The following SPATA31E1 variants were observed in gnomAD, a reference collection of about 807,000 sequenced individuals.
SPATA31E1 encodes spermatogenesis-associated protein 31E1.
A neutral mutation model predicts 12.9 loss-of-function variants in SPATA31E1; 7 were observed. That is an observed-to-expected ratio of 0.54 (90% CI 0.31 to 1.02). The LOEUF (loss-of-function observed/expected upper bound fraction) is 1.02, where lower values mean the gene tolerates loss of function less well. Among genes scored for constraint, SPATA31E1 ranks in the 50% least tolerant of loss-of-function variants. The pLI is 0.05. For missense variants in SPATA31E1, 1,961 were observed against 1,799.8 expected, an observed-to-expected ratio of 1.09 and a Z score of -1.62; for synonymous variants, 771 against 719.0, an observed-to-expected ratio of 1.07 and a Z score of -1.16.
chr9:87,884,821 G>A lies in SPATA31E1; in HGVS notation c.426-92G>A, dbSNP rs1157420123. On this transcript the variant is annotated intron_variant, in intron 3 of 3. Transcript: ENST00000325643. ...CTTTATGAAGTCAGCAGTTGGGGAG[G>A]TGGAGGAACCGGGGGCCCCAGGTGC... 3.4e-6 allele frequency: 5 copies of A among 1,473,226 alleles called. No homozygotes were observed. In the African/African-American group the frequency reaches 5.6e-5, roughly 16 times the overall value. The allele number at this position is 1,473,226 out of a possible 1,614,324, so 91.3% of individuals were successfully genotyped here.
rs759321040 is a variant in SPATA31E1, at chr9:87,888,635, C to G, written c.4148C>G (p.Pro1383Arg). ...CTGGCCTGCAGCCCTAAAGCCACCCCCAAGGGCCACCACTGTCCTGTCAAA... is the reference window on the plus strand; with the variant it reads ...CTGGCCTGCAGCCCTAAAGCCACCCGCAAGGGCCACCACTGTCCTGTCAAA... The part of the protein sequence containing the change: ...RALACSPKAT[P>R]KGHHCPVKNR... The change falls in exon 4 of 4, where the codon CCC becomes CGC. Residue 1383 changes from proline (P) to arginine (R), a missense_variant. Transcript: ENST00000325643. 1 of 1,614,110 alleles carries G rather than the reference C, an allele frequency of 6.2e-7. No individual in the cohort carries two copies. Among genetic ancestry groups the G allele is most frequent in the East Asian group, 2.2e-5 (1 of 44,862 alleles).
Position 87,883,988 on chromosome 9 carries a change from T to C in SPATA31E1, c.310-4T>C. The C allele has an allele frequency of 6.2e-7, 1 of 1,605,234 alleles. No individual in the cohort carries two copies. The highest frequency in any genetic ancestry group is 1.1e-5 in the South Asian group (1 of 89,040). On this transcript the variant is annotated splice_region_variant and splice_polypyrimidine_tract_variant and intron_variant, in intron 1 of 3. Coordinates refer to ENST00000325643, the MANE Select transcript of SPATA31E1 (RefSeq NM_178828.5). ...CCAGCCCCTCATCCTTTCTTGCCTCTCAGCCTCAAAGGGAGAGAAGCGGGA... is the reference window on the plus strand; with the variant it reads ...CCAGCCCCTCATCCTTTCTTGCCTCCCAGCCTCAAAGGGAGAGAAGCGGGA...
At position 87,886,397 on chromosome 9, in the gene SPATA31E1, A is replaced by T. The variant is rs1326908144; in HGVS notation, c.1910A>T (p.Gln637Leu). The change falls in exon 4 of 4, where the codon CAG becomes CTG. Residue 637 changes from glutamine (Q) to leucine (L), a missense_variant. Coordinates refer to ENST00000325643, the MANE Select transcript of SPATA31E1 (RefSeq NM_178828.5). ...TGGCAAGGAAGGAATGCCATCCACC[A>T]GGAGCAGTCCTGTGGCCCTCCCAGC... ...HWWQGRNAIH[Q>L]EQSCGPPSRL... 6.2e-7 allele frequency: 1 copy of T among 1,613,638 alleles called. No individual in the cohort carries two copies. Among genetic ancestry groups the T allele is most frequent in the African/African-American group, 1.3e-5 (1 of 74,896 alleles).
At chr9:87,883,248 T>C (rs1459519253) in intron 1 of SPATA31E1, 48 bp downstream of exon 1, 2 of 1,525,230 alleles carry the variant, frequency 1.3e-6, no homozygotes, top group Non-Finnish European at 8.9e-7. Flanking sequence ...CTCTCTTCTT[T>C]TCCTCCCCTC....
intron 2 of SPATA31E1, 44 bp downstream of exon 2, chr9:87,884,090 C>T (rs1828218003): frequency 2.6e-6 from 4 of 1,564,302 alleles, no homozygotes; most frequent in Non-Finnish European, 3.5e-6. Flanking sequence ...GGTAACTGAG[C>T]TTTGCCTGTC....
chr9:87,888,649 T>C lies in SPATA31E1; in HGVS notation c.4162T>C (p.Cys1388Arg), dbSNP rs1424045724. 1.2e-6 allele frequency: 2 copies of C among 1,613,928 alleles called. No individual in the cohort carries two copies. The highest frequency in any genetic ancestry group is 1.7e-6 in the Non-Finnish European group (2 of 1,179,964). The change falls in exon 4 of 4, where the codon TGT becomes CGT. Residue 1388 changes from cysteine to arginine, a missense_variant. Cys to Arg is a radical substitution (Grantham distance 180, BLOSUM62 -3). Transcript: ENST00000325643. ...SPKATPKGHHCPVKNRGIRDR... is the reference protein window; with the variant it reads ...SPKATPKGHHRPVKNRGIRDR... ...TAAAGCCACCCCCAAGGGCCACCAC[T>C]GTCCTGTCAAAAACAGGGGCATCAG...
At position 87,887,047 on chromosome 9, in the gene SPATA31E1, T is replaced by C. The variant is rs1302277528; in HGVS notation, c.2560T>C (p.Ser854Pro). ...VRHSWGTDLQ[S>P]LEPINVWSGE... ...GCACAGCTGGGGTACAGACCTCCAG[T>C]CCCTGGAGCCCATAAATGTCTGGTC... The change falls in exon 4 of 4, where the codon TCC (serine) becomes CCC (proline). Residue 854 changes from serine (S) to proline (P), a missense_variant. Transcript: ENST00000325643. 1 of 1,613,994 alleles carries C rather than the reference T, an allele frequency of 6.2e-7. No individual in the cohort carries two copies. The highest frequency in any genetic ancestry group is 8.5e-7 in the Non-Finnish European group (1 of 1,179,978).
At position 87,887,233 on chromosome 9, in the gene SPATA31E1, G is replaced by A. The variant is rs534423157; in HGVS notation, c.2746G>A (p.Val916Met). The part of the protein sequence containing the change: ...NRTTSKSVPT[V>M]SGPLAAPPPE... ...AACAACAAGCAAGTCAGTCCCGACC[G>A]TGAGTGGCCCTCTCGCTGCCCCACC... The change falls in exon 4 of 4, where the codon GTG becomes ATG. Residue 916 changes from valine to methionine, a missense_variant. Transcript: ENST00000325643. 2.2e-5 allele frequency: 35 copies of A among 1,614,030 alleles called. No homozygotes were observed. Among genetic ancestry groups the A allele is most frequent in the Middle Eastern group, 1.6e-4 (1 of 6,062 alleles).
chr9:87,887,051 T>C lies in SPATA31E1; in HGVS notation c.2564T>C (p.Leu855Pro). The C allele has an allele frequency of 6.2e-7, 1 of 1,614,084 alleles. No homozygotes were observed. Among genetic ancestry groups the C allele is most frequent in the Non-Finnish European group, 8.5e-7 (1 of 1,180,008 alleles). ...RHSWGTDLQS[L>P]EPINVWSGEA... ...AGCTGGGGTACAGACCTCCAGTCCC[T>C]GGAGCCCATAAATGTCTGGTCAGGT... Residue 855 changes from leucine to proline, a missense_variant, in exon 4 of 4, where the codon CTG (leucine) becomes CCG (proline). Transcript: ENST00000325643.
chr9:87,888,269 G>A lies in SPATA31E1; in HGVS notation c.3782G>A (p.Ser1261Asn), dbSNP rs1455656834. The change falls in exon 4 of 4, where the codon AGC becomes AAC. Residue 1261 changes from serine (S) to asparagine (N), a missense_variant. Ser to Asn is a conservative substitution (Grantham distance 46). Transcript: ENST00000325643. ...GAGAAGGGACAGACACCACCAGAAA[G>A]CCACTTCCAGAGAAAGATCAGTCAC... Reference protein sequence around the residue: ...QLEKGQTPPESHFQRKISHHP... With the variant: ...QLEKGQTPPENHFQRKISHHP... The A allele has an allele frequency of 1.9e-6, 3 of 1,614,026 alleles. No individual in the cohort carries two copies. The highest frequency in any genetic ancestry group is 2.2e-5 in the East Asian group (1 of 44,890).
Position 87,885,967 on chromosome 9 carries a change from C to A in SPATA31E1, c.1480C>A (p.Pro494Thr). 1 of 1,613,532 alleles carries A rather than the reference C, an allele frequency of 6.2e-7. No individual in the cohort carries two copies. The highest frequency in any genetic ancestry group is 1.1e-5 in the South Asian group (1 of 91,078). Reference sequence around the variant, plus strand: ...GGCATCCTCACAGCTTTCCCAGGCACCGCCCCAGCCCCACCACATGGCCCA... The same window carrying A: ...GGCATCCTCACAGCTTTCCCAGGCAACGCCCCAGCCCCACCACATGGCCCA... ...VEASSQLSQAPPQPHHMAQPQ... is the reference protein window; with the variant it reads ...VEASSQLSQATPQPHHMAQPQ... Residue 494 changes from proline to threonine, a missense_variant, in exon 4 of 4, where the codon CCG becomes ACG. Coordinates refer to ENST00000325643, the MANE Select transcript of SPATA31E1 (RefSeq NM_178828.5).
In SPATA31E1 at chr9:87,887,853, G is replaced by C; in HGVS notation, c.3366G>C (p.Gln1122His). 1.2e-6 allele frequency: 2 copies of C among 1,613,886 alleles called. No individual in the cohort carries two copies. The highest frequency in any genetic ancestry group is 1.1e-5 in the South Asian group (1 of 91,086). ...GCCGTGCCCCGGGCATCCTCCTCCAGGACGGCGCCACAGGCCTGTGCCTTC... is the reference window on the plus strand; with the variant it reads ...GCCGTGCCCCGGGCATCCTCCTCCACGACGGCGCCACAGGCCTGTGCCTTC... ...LPGRAPGILL[Q>H]DGATGLCLPG... The change falls in exon 4 of 4, where the codon CAG becomes CAC. Residue 1122 changes from glutamine to histidine, a missense_variant. Transcript: ENST00000325643.
chr9:87,884,753 G>A, intron 3 of SPATA31E1, 102 bp downstream of exon 3: 2 of 1,506,798 alleles, frequency 1.3e-6, no homozygotes, highest in Non-Finnish European at 1.8e-6. Context: ...TCCCGGGAAG[G>A]GGACAGGAGG....
At position 87,886,877 on chromosome 9, in the gene SPATA31E1, C is replaced by T. The variant is rs769719047; in HGVS notation, c.2390C>T (p.Pro797Leu). The T allele has an allele frequency of 1.4e-5, 23 of 1,614,122 alleles. No individual in the cohort carries two copies. Among genetic ancestry groups the T allele is most frequent in the Middle Eastern group, 1.6e-4 (1 of 6,062 alleles). ...RSWLMAKCAV[P>L]KSDTHRKPGK... is the part of the protein sequence containing the mutation. Reference sequence around the variant, plus strand: ...TGGCTCATGGCCAAATGTGCTGTTCCCAAGTCTGACACCCACAGGAAACCT... The same window carrying T: ...TGGCTCATGGCCAAATGTGCTGTTCTCAAGTCTGACACCCACAGGAAACCT... The change falls in exon 4 of 4, where the codon CCC becomes CTC. Residue 797 changes from proline to leucine, a missense_variant. Pro to Leu is a moderately conservative substitution (Grantham distance 98). Transcript: ENST00000325643.
chr9:87,883,569 A>C (rs1828208615), intron 1 of SPATA31E1, among the ~76,000 whole-genome samples: 1 of 152,058 alleles, frequency 6.6e-6, no homozygotes, highest in Non-Finnish European at 1.5e-5. Flanking sequence ...AGCTGTGCTG[A>C]GCTCCTGAGA....
chr9:87,885,114 C>G lies in SPATA31E1; in HGVS notation c.627C>G (p.Phe209Leu). 6.2e-7 allele frequency: 1 copy of G among 1,614,200 alleles called. No homozygotes were observed. Among genetic ancestry groups the G allele is most frequent in the Non-Finnish European group, 8.5e-7 (1 of 1,180,030 alleles). Reference sequence around the variant, plus strand: ...CCCTGTCACCAGGCCCGATGACCTTCTCAGAGCCTTTTGGACCACACTCAA... The same window carrying G: ...CCCTGTCACCAGGCCCGATGACCTTGTCAGAGCCTTTTGGACCACACTCAA... ...ASTLSPGPMT[F>L]SEPFGPHSTL... The change falls in exon 4 of 4, where the codon TTC (phenylalanine) becomes TTG (leucine). Residue 209 changes from phenylalanine (F) to leucine (L), a missense_variant. By Grantham distance (22) the Phe-to-Leu change is conservative (BLOSUM62 0). Coordinates refer to ENST00000325643, the MANE Select transcript of SPATA31E1 (RefSeq NM_178828.5).
At position 87,887,146 on chromosome 9, in the gene SPATA31E1, T is replaced by C. The variant is rs1265014773; in HGVS notation, c.2659T>C (p.Ser887Pro). 1.9e-6 allele frequency: 3 copies of C among 1,613,906 alleles called. No individual in the cohort carries two copies. Among genetic ancestry groups the C allele is most frequent in the African/African-American group, 2.7e-5 (2 of 74,906 alleles). Residue 887 changes from serine to proline, a missense_variant, in exon 4 of 4, where the codon TCT becomes CCT. Physicochemically the swap from Ser to Pro is moderately conservative, Grantham distance 74. Transcript: ENST00000325643. Reference protein sequence around the residue: ...PWASWVSRVESVPKVPIFLGK... With the variant: ...PWASWVSRVEPVPKVPIFLGK... ...GGCCTCCTGGGTATCTCGGGTTGAA[T>C]CTGTACCCAAGGTTCCCATTTTCCT...
chr9:87,883,025 T>C lies in SPATA31E1; in HGVS notation c.134T>C (p.Met45Thr), dbSNP rs796241080. The change falls in exon 1 of 4, where the codon ATG (methionine) becomes ACG (threonine). Residue 45 changes from methionine (M) to threonine (T), a missense_variant. Coordinates refer to ENST00000325643, the MANE Select transcript of SPATA31E1 (RefSeq NM_178828.5). Reference sequence around the variant, plus strand: ...GACATTGCACTTCAGATGGAGAAAATGCTCTTTCCTCTGAAGAGCCCTAGT... The same window carrying C: ...GACATTGCACTTCAGATGGAGAAAACGCTCTTTCCTCTGAAGAGCCCTAGT... ...GDDIALQMEK[M>T]LFPLKSPSAT... 18 of 1,612,802 alleles carry C rather than the reference T, an allele frequency of 1.1e-5. No individual in the cohort carries two copies. The African/African-American group carries it at 2.3e-4, about 20-fold the overall frequency.
Position 87,886,165 on chromosome 9 carries a change from A to T in SPATA31E1, c.1678A>T (p.Ile560Phe), listed in dbSNP as rs749182793. 6.2e-7 allele frequency: 1 copy of T among 1,606,334 alleles called. No individual in the cohort carries two copies. Among genetic ancestry groups the T allele is most frequent in the South Asian group, 1.1e-5 (1 of 90,108 alleles). ...ATCCCAGGAGAGGACACAGTCTGTC[A>T]TCCCCACTGGAAAGGAGTATCTTGA... ...PTSQERTQSV[I>F]PTGKEYLEWP... The change falls in exon 4 of 4, where the codon ATC becomes TTC. Residue 560 changes from isoleucine (I) to phenylalanine (F), a missense_variant. Transcript: ENST00000325643.
Sources: gnomAD v4.1 joint callset for allele counts (sites outside exome capture counted in the v4.1 genomes callset) on GRCh38, gnomAD v4.1.1 for gene constraint, MANE v1.5 for transcripts, NCBI Gene and HGNC (gene_info 2026-07-23, HGNC 2026-07-21) for gene names.